Variants in NEMF observed in about 807,000 individuals in gnomAD.
NEMF encodes the protein ribosome quality control complex subunit NEMF.
NEMF carries 89 observed loss-of-function variants against 162.2 expected under a neutral mutation model. That is an observed-to-expected ratio of 0.55 (90% CI 0.46 to 0.65). NEMF has a LOEUF of 0.65. Among genes scored for constraint, NEMF ranks in the 30% least tolerant of loss-of-function variants. NEMF has a pLI of 0.00. For synonymous variants in NEMF, 421 were observed against 404.5 expected (o/e 1.04, Z -0.49); for missense variants, 1,133 against 1,261.9 (o/e 0.90, Z 1.55).
rs773814486 is a variant in NEMF at position 49,852,718 on chromosome 14, G to A, written c.36C>T (p.Ala12=). The part of the protein sequence containing the change: ...KSRFSTIDLR[A]VLAELNASLL... ...ACCTAGCATTCAGCTCCGCGAGTACGGCGCGGAGGTCAATGGTGCTAAAGC... is the reference window on the plus strand; with the variant it reads ...ACCTAGCATTCAGCTCCGCGAGTACAGCGCGGAGGTCAATGGTGCTAAAGC... The change falls in exon 1 of 33, where the codon GCC becomes GCT. Residue 12 remains alanine (A), a synonymous_variant. Coordinates refer to ENST00000298310, the MANE Select transcript of NEMF (RefSeq NM_004713.6). 6.2e-7 allele frequency: 1 copy of A among 1,614,092 alleles called. No homozygotes were observed. The highest frequency in any genetic ancestry group is 1.7e-5 in the Admixed American group (1 of 60,008).
At chr14:49,821,646 G>GC (rs1892058193) in intron 16 of NEMF, among the ~76,000 whole-genome samples, 2 of 111,974 alleles carry the variant, frequency 1.8e-5, no homozygotes, top group East Asian at 2.7e-4. Context: ...GGGGGGCTCA[G>GC]CCCCCCGCCC....
At chr14:49,819,430 T>G (rs1361929282) in intron 16 of NEMF, among the ~76,000 whole-genome samples, 1 of 151,274 alleles carries the variant, frequency 6.6e-6, no homozygotes, top group East Asian at 1.9e-4. Flanking sequence ...TGTTTATTTT[T>G]TTGAGATGGA....
At position 49,846,115 on chromosome 14, in the gene NEMF, A is replaced by C. The variant is rs764197851; in HGVS notation, c.357+25T>G. ...AATGATTAATAAGAAATTTTCCTTC[A>C]CCATATCCCACAAATTTAACTTACC... On this transcript the variant is annotated intron_variant, in intron 4 of 32. Transcript: ENST00000298310. 18 of 1,602,402 alleles carry C rather than the reference A, an allele frequency of 1.1e-5. No homozygotes were observed. The South Asian group carries it at 2.0e-4, about 18-fold the overall frequency.
chr14:49,827,280 G>A (rs1007342260), intron 15 of NEMF, among the ~76,000 whole-genome samples: 5 of 152,096 alleles, frequency 3.3e-5, no homozygotes, highest in African/African-American at 9.7e-5. Context: ...TCCACCTCCC[G>A]GGTTCATTAG....
intron 15 of NEMF, 72 bp downstream of exon 15, chr14:49,828,219 G>T: frequency 9.6e-7 from 1 of 1,039,440 alleles, no homozygotes; most frequent in Non-Finnish European, 1.5e-6. Context: ...CATTTAAACA[G>T]AAGAAATAAT....
chr14:49,842,575 A>T (rs578210051), intron 4 of NEMF, among the ~76,000 whole-genome samples: 1 of 152,400 alleles, frequency 6.6e-6, no homozygotes, highest in African/African-American at 2.4e-5. Flanking sequence ...AACTGTTTAC[A>T]AGATAGTCAC....
At chr14:49,797,623 G>A (rs954561399) in intron 25 of NEMF, among the ~76,000 whole-genome samples, 6 of 152,048 alleles carry the variant, frequency 3.9e-5, no homozygotes, top group South Asian at 2.1e-4. Context: ...GCCACAGAGC[G>A]AGACTCCGTC....
chr14:49,809,210 T>C (rs1188387557), intron 18 of NEMF, among the ~76,000 whole-genome samples: 1 of 152,224 alleles, frequency 6.6e-6, no homozygotes, highest in East Asian at 1.9e-4. Context: ...CTTATATCTG[T>C]ACAAAAACCT....
At chr14:49,823,434 T>A (rs762919234) in intron 16 of NEMF, among the ~76,000 whole-genome samples, 11 of 151,918 alleles carry the variant, frequency 7.2e-5, no homozygotes, top group Non-Finnish European at 1.2e-4. Context: ...TCCTCTCTTT[T>A]TTTGCCAGGA....
intron 18 of NEMF, among the ~76,000 whole-genome samples, chr14:49,809,153 T>G (rs1163881371): frequency 6.6e-6 from 1 of 152,192 alleles, no homozygotes; most frequent in African/African-American, 2.4e-5. Context: ...TCTTACCATG[T>G]GATTCAACAA....
At chr14:49,827,333 C>T (rs997747034) in intron 15 of NEMF, among the ~76,000 whole-genome samples, 2 of 152,094 alleles carry the variant, frequency 1.3e-5, no homozygotes, top group Non-Finnish European at 2.9e-5. Flanking sequence ...ATTACAGGTA[C>T]CCGCCATCAC....
chr14:49,825,213 T>C (rs1892276481), intron 16 of NEMF, among the ~76,000 whole-genome samples: 2 of 152,218 alleles, frequency 1.3e-5, no homozygotes, highest in African/African-American at 4.8e-5. Flanking sequence ...GCCAATGCTA[T>C]TAATCTTGAC....
At chr14:49,821,866 A>G (rs1312199271) in intron 16 of NEMF, among the ~76,000 whole-genome samples, 1 of 152,090 alleles carries the variant, frequency 6.6e-6, no homozygotes, top group Non-Finnish European at 1.5e-5. Context: ...GTGGAATAGA[A>G]AAGGGGGCAA....
chr14:49,843,717 C>T (rs946815878), intron 4 of NEMF, among the ~76,000 whole-genome samples: 1 of 152,220 alleles, frequency 6.6e-6, no homozygotes, highest in Non-Finnish European at 1.5e-5. Context: ...TTACTGAATA[C>T]TGTAGTCAAC....
Position 49,800,620 on chromosome 14 carries a change from A to T in NEMF, c.2172T>A (p.Val724=). ...TPVEVELMTQ[V]DQEDITLQSG... is the part of the protein sequence containing the mutation. Reference sequence around the variant, plus strand: ...TCTGAAGAGTGATATCCTCTTGGTCAACCTGAGTCATGAGTTCTACTTCCA... The same window carrying T: ...TCTGAAGAGTGATATCCTCTTGGTCTACCTGAGTCATGAGTTCTACTTCCA... The change falls in exon 23 of 33, where the codon GTT becomes GTA. Residue 724 remains valine, a synonymous_variant. Coordinates refer to ENST00000298310, the MANE Select transcript of NEMF (RefSeq NM_004713.6). 3 of 1,613,904 alleles carry T rather than the reference A, an allele frequency of 1.9e-6. No homozygotes were observed. Among genetic ancestry groups the T allele is most frequent in the Non-Finnish European group, 2.5e-6 (3 of 1,179,882 alleles).
intron 4 of NEMF, among the ~76,000 whole-genome samples, chr14:49,841,831 C>T (rs987280564): frequency 1.2e-4 from 19 of 152,192 alleles, no homozygotes; most frequent in Middle Eastern, 6.8e-3. Context: ...AATGGCTGGG[C>T]GCAGTGGCTC....
intron 3 of NEMF, among the ~76,000 whole-genome samples, chr14:49,849,252 G>A (rs961981129): frequency 6.6e-6 from 1 of 152,100 alleles, no homozygotes; most frequent in Admixed American, 6.6e-5. Flanking sequence ...GAAAAATAAA[G>A]ACAAAAGGCA....
intron 25 of NEMF, among the ~76,000 whole-genome samples, chr14:49,799,098 A>G (rs1448172708): frequency 6.7e-6 from 1 of 148,724 alleles, no homozygotes; most frequent in Non-Finnish European, 1.5e-5. Flanking sequence ...AGTCCCAGCT[A>G]CTCAGGAGGC....
chr14:49,831,205 A>T, intron 11 of NEMF, 94 bp downstream of exon 11: 1 of 718,752 alleles, frequency 1.4e-6, no homozygotes, highest in Non-Finnish European at 2.4e-6. Context: ...ACTACTTCTT[A>T]CACTCTTTCT....
Sources: allele counts gnomAD v4.1 joint callset (sites outside exome capture counted in the v4.1 genomes callset), GRCh38; gene constraint gnomAD v4.1.1; transcripts MANE v1.5; gene names NCBI Gene and HGNC (gene_info 2026-07-23, HGNC 2026-07-21).